GNG7: variants seen among roughly 807,000 people sequenced by gnomAD.
GNG7 encodes G protein subunit gamma 7, also known as guanine nucleotide-binding protein G(I)/G(S)/G(O) subunit gamma-7.
Under a neutral mutation model 4.0 loss-of-function variants are expected in GNG7, and 1 was observed. The observed-to-expected ratio is 0.25, with a 90% CI of 0.09 to 1.18. The LOEUF (loss-of-function observed/expected upper bound fraction) is 1.18, where lower values mean the gene tolerates loss of function less well. Ranked by LOEUF, GNG7 falls within the 50% of genes most tolerant of loss-of-function variation. The pLI is 0.50. For missense variants in GNG7, 86 were observed against 91.9 expected, an observed-to-expected ratio of 0.94 and a Z score of 0.26; for synonymous variants, 34 against 36.9, an observed-to-expected ratio of 0.92 and a Z score of 0.29.
chr19:2,566,704 GGT>G (rs1599394618), intron 2 of GNG7, among the ~76,000 whole-genome samples: 2 of 152,162 alleles, frequency 1.3e-5, no homozygotes, highest in Non-Finnish European at 2.9e-5. Flanking sequence ...TGGGTCAGAT[GGT>G]CTCTGTTGCA....
At chr19:2,685,591 C>T (rs1220902417) in intron 1 of GNG7, among the ~76,000 whole-genome samples, 1 of 152,144 alleles carries the variant, frequency 6.6e-6, no homozygotes, top group African/African-American at 2.4e-5. Context: ...CACCACTGCA[C>T]TCCAGCCTGG....
At chr19:2,688,271 T>C (rs1181604320) in intron 1 of GNG7, among the ~76,000 whole-genome samples, 2 of 151,912 alleles carry the variant, frequency 1.3e-5, no homozygotes, top group South Asian at 4.1e-4. Context: ...AAAAAAGAAA[T>C]CATGATGCAA....
chr19:2,583,758 C>T (rs1250441022), intron 2 of GNG7, among the ~76,000 whole-genome samples: 1 of 152,172 alleles, frequency 6.6e-6, no homozygotes, highest in Non-Finnish European at 1.5e-5. Flanking sequence ...GATGGTGGCA[C>T]TGCACTCCTA....
intron 1 of GNG7, among the ~76,000 whole-genome samples, chr19:2,669,618 G>A (rs2144887193): frequency 6.6e-6 from 1 of 152,278 alleles, no homozygotes; most frequent in South Asian, 2.1e-4. Context: ...GTACTATCTA[G>A]GGCACTTTCC....
intron 2 of GNG7, among the ~76,000 whole-genome samples, chr19:2,603,590 G>A (rs1410987406): frequency 1.3e-5 from 2 of 152,166 alleles, no homozygotes; most frequent in Non-Finnish European, 2.9e-5. Flanking sequence ...ACTGGAGATC[G>A]ACCAAAAACT....
chr19:2,563,387 G>A (rs1979806677), intron 2 of GNG7, among the ~76,000 whole-genome samples: 1 of 152,204 alleles, frequency 6.6e-6, no homozygotes, highest in African/African-American at 2.4e-5. Context: ...ACTCCATGCT[G>A]GGAGCACCCC....
intron 2 of GNG7, among the ~76,000 whole-genome samples, chr19:2,598,383 C>T (rs1230749098): frequency 2.0e-5 from 3 of 151,502 alleles, no homozygotes; most frequent in Non-Finnish European, 2.9e-5. Context: ...ATTGGCCGGG[C>T]GTGGTGGCTC....
At position 2,692,823 on chromosome 19, in the gene GNG7, A is replaced by C. The variant is rs1913164943; in HGVS notation, c.-135+9823T>G. On this transcript the variant is annotated intron_variant, in intron 1 of 4. Coordinates refer to ENST00000382159, the MANE Select transcript of GNG7 (RefSeq NM_052847.3). Reference sequence around the variant, plus strand: ...CAACACAGCAAGACCCGGTCTCTACAAAAGATACAAAAATTAGCCAGGTGT... The same window carrying C: ...CAACACAGCAAGACCCGGTCTCTACCAAAGATACAAAAATTAGCCAGGTGT... Among the ~76,000 whole-genome samples the C allele has an allele frequency of 2.0e-5, 3 of 151,656 alleles. No homozygotes were observed. In the South Asian group the frequency reaches 6.2e-4, roughly 32 times the overall value.
chr19:2,589,925 C>T (rs1980789884), intron 2 of GNG7, among the ~76,000 whole-genome samples: 2 of 152,212 alleles, frequency 1.3e-5, no homozygotes, highest in Admixed American at 1.3e-4. Flanking sequence ...GATTCTTCTA[C>T]CTCAGCCTCC....
At chr19:2,576,333 C>A (rs1398496092) in intron 2 of GNG7, among the ~76,000 whole-genome samples, 3 of 152,234 alleles carry the variant, frequency 2.0e-5, no homozygotes, top group African/African-American at 7.2e-5. Context: ...CAGGCCTGCA[C>A]ACGGTGTGCT....
chr19:2,517,079 T>G (rs2144724626), intron 4 of GNG7: 1 of 152,388 alleles, frequency 6.6e-6, no homozygotes, highest in Non-Finnish European at 1.5e-5. Context: ...CCTTGCTTTC[T>G]TTCCTGGAAG....
Position 2,513,292 on chromosome 19 carries a change from C to T in GNG7, c.*1730G>A. 5.9e-6 allele frequency: 2 copies of T among 339,902 alleles called. No homozygotes were observed. The highest frequency in any genetic ancestry group is 8.3e-6 in the Non-Finnish European group (2 of 239,788). 21.1% of individuals were successfully genotyped at this position (339,902 alleles called of 1,614,324 possible). Reference sequence around the variant, plus strand: ...TCGGCACGGGTTCTTAGACGCCTGTCTCCACTGGGGCCGGAGGGACAGGAC... The same window carrying T: ...TCGGCACGGGTTCTTAGACGCCTGTTTCCACTGGGGCCGGAGGGACAGGAC... On this transcript the variant is annotated 3_prime_UTR_variant, in exon 5 of 5. Coordinates refer to ENST00000382159, the MANE Select transcript of GNG7 (RefSeq NM_052847.3).
In GNG7 at chr19:2,546,060, C is replaced by T. The variant is rs1316756631; in HGVS notation, c.-38+9089G>A. Among the ~76,000 whole-genome samples the T allele has an allele frequency of 6.6e-6, 1 of 152,248 alleles. No individual in the cohort carries two copies. Among genetic ancestry groups the T allele is most frequent in the African/African-American group, 2.4e-5 (1 of 41,474 alleles). On this transcript the variant is annotated intron_variant, in intron 3 of 4. Transcript: ENST00000382159. This position sits in a 1 kb window ranked among gnomAD's most constrained non-coding sequence, Gnocchi z 6.3. ...GGGTGAGAAGGCACAGGGCAACGAT[C>T]AGGCGTTGATGTGTCCCCTGGCAGC...
intron 1 of GNG7, among the ~76,000 whole-genome samples, chr19:2,676,919 T>C (rs958906663): frequency 2.0e-5 from 3 of 152,168 alleles, no homozygotes; most frequent in African/African-American, 2.4e-5. Context: ...TGCTCCGATC[T>C]GCACATTCCC....
chr19:2,605,912 G>A (rs1049419199), intron 2 of GNG7, among the ~76,000 whole-genome samples: 10 of 152,106 alleles, frequency 6.6e-5, no homozygotes, highest in African/African-American at 1.4e-4. Context: ...TCACTTCTGC[G>A]ACCTCTTTGT....
intron 4 of GNG7, among the ~76,000 whole-genome samples, chr19:2,519,987 C>A (rs908828008): frequency 1.3e-5 from 2 of 152,174 alleles, no homozygotes; most frequent in African/African-American, 4.8e-5. Context: ...CAAGACCAGC[C>A]TGGGCAACAT....
chr19:2,543,061 C>T (rs936621781), intron 3 of GNG7, among the ~76,000 whole-genome samples: 74 of 151,846 alleles, frequency 4.9e-4, no homozygotes, highest in Non-Finnish European at 1.5e-4. Context: ...TACAGGCATC[C>T]ACCACCACAC....
chr19:2,586,707 G>A (rs1320636741), intron 2 of GNG7, among the ~76,000 whole-genome samples: 3 of 126,294 alleles, frequency 2.4e-5, no homozygotes, highest in South Asian at 2.5e-4. Context: ...CACCTTGGCC[G>A]GGTGCAGTGG....
In GNG7 at chr19:2,511,784, GTTT is replaced by G; in HGVS notation, c.*3235_*3237del. 6 of 985,772 alleles carry G rather than the reference GTTT, an allele frequency of 6.1e-6. No homozygotes were observed. The highest frequency in any genetic ancestry group is 7.2e-6 in the Non-Finnish European group (6 of 829,814). 61.1% of individuals were successfully genotyped at this position (985,772 alleles called of 1,614,324 possible). A position where few individuals can be genotyped will look rare whatever the true frequency, so the allele number is the denominator to read the frequency against. On this transcript the variant is annotated 3_prime_UTR_variant, in exon 5 of 5. Coordinates refer to ENST00000382159, the MANE Select transcript of GNG7 (RefSeq NM_052847.3). The surrounding 1 kb of genome is among the most constrained non-coding windows in gnomAD (Gnocchi z 6.3). ...CCTTCCGCCCTGGCCCAGCCGCCCC[GTTT>G]ATGTCCCCAGAGGCCAGAGGTCGCA... is the stretch of plus-strand genomic sequence containing the variant.
Sources: allele counts gnomAD v4.1 joint callset (sites outside exome capture counted in the v4.1 genomes callset), GRCh38; gene constraint gnomAD v4.1.1; non-coding constraint Gnocchi (gnomAD v3.1); transcripts MANE v1.5; gene names NCBI Gene and HGNC (gene_info 2026-07-23, HGNC 2026-07-21).